Variants in BRCA2 observed in about 807,000 individuals in gnomAD.
The protein encoded by BRCA2 is breast cancer type 2 susceptibility protein.
In BRCA2, 203 loss-of-function variants were observed where a neutral mutation model predicts 276.7. That is an observed-to-expected ratio of 0.73 (90% confidence interval 0.65 to 0.82). BRCA2 has a LOEUF of 0.82. BRCA2 is among the 40% of genes least tolerant of loss of function. The pLI is 0.00. For synonymous variants in BRCA2, 1,289 were observed against 1,338.4 expected, an observed-to-expected ratio of 0.96 and a Z score of 0.81; for missense variants, 3,920 against 3,915.0, an observed-to-expected ratio of 1.00 and a Z score of -0.03.
intron 16 of BRCA2, among the ~76,000 whole-genome samples, chr13:32,358,347 G>A (rs1463302671): frequency 7.3e-5 from 11 of 151,390 alleles, no homozygotes; most frequent in Admixed American, 7.2e-4. Context: ...GTGGTGGCAG[G>A]CACCTGTAAT....
In BRCA2 at chr13:32,332,456, C is replaced by A. The variant is rs28897706; in HGVS notation, c.978C>A (p.Ser326Arg). Residue 326 changes from serine (S) to arginine (R), a missense_variant, in exon 10 of 27, where the codon AGC becomes AGA. By Grantham distance (110) the Ser-to-Arg change is moderately radical. This residue lies in a region of BRCA2 where 3,263 missense variants were observed against 3,156.9 expected (regional missense o/e 1.03). Coordinates refer to ENST00000380152, the MANE Select transcript of BRCA2 (RefSeq NM_000059.4). The stretch of plus-strand genomic sequence containing the variant: ...AAAATCTACAAAAAGTAAGAACTAG[C>A]AAGACTAGGAAAAAAATTTTCCATG... Reference protein sequence around the residue: ...RTKNLQKVRTSKTRKKIFHEA... With the variant: ...RTKNLQKVRTRKTRKKIFHEA... The A allele has an allele frequency of 9.8e-4, 1,553 of 1,592,578 alleles. 2 individuals carry two copies. The highest frequency in any genetic ancestry group is 1.1e-3 in the Non-Finnish European group (1,315 of 1,173,338).
In BRCA2 at chr13:32,329,423, C is replaced by T. The variant is rs746309570; in HGVS notation, c.632-20C>T. ...CATTCTAGTGATAATATACAATACA[C>T]ATAAATTTTTATCTTACAGTCAGAA... On this transcript the variant is annotated intron_variant, in intron 7 of 26. Transcript: ENST00000380152. 2.6e-6 allele frequency: 4 copies of T among 1,560,586 alleles called. No homozygotes were observed. Among genetic ancestry groups the T allele is most frequent in the South Asian group, 2.3e-5 (2 of 88,596 alleles).
At chr13:32,376,521 C>CAAA (rs200156944) in intron 20 of BRCA2, 149 bp from the exon 21 acceptor site, 115 of 714,952 alleles carry the variant, frequency 1.6e-4, no homozygotes, top group East Asian at 4.6e-4. Context: ...GACCCTGTCT[C>CAAA]AAAAAAAAAA....
At chr13:32,395,959 T>C in intron 25 of BRCA2, 1 of 230,462 alleles carries the variant, frequency 4.3e-6, no homozygotes, top group South Asian at 3.6e-5. Flanking sequence ...TTTCTTTCTT[T>C]CTTTTTTTTT....
chr13:32,374,896 A>C (rs1282399778), intron 20 of BRCA2, among the ~76,000 whole-genome samples: 2 of 152,222 alleles, frequency 1.3e-5, no homozygotes, highest in African/African-American at 2.4e-5. Flanking sequence ...GTTCATCCTC[A>C]TACTGCTATA....
chr13:32,340,327 C>G lies in BRCA2; in HGVS notation c.5972C>G (p.Ala1991Gly), dbSNP rs80358829. The part of the protein sequence containing the change: ...ASGKSVQVSD[A>G]SLQNARQVFS... ...GGAAAATCTGTCCAGGTATCAGATG[C>G]TTCATTACAAAACGCAAGACAAGTG... Residue 1991 changes from alanine (A) to glycine (G), a missense_variant, in exon 11 of 27, where the codon GCT (alanine) becomes GGT (glycine). Physicochemically the swap from Ala to Gly is moderately conservative, Grantham distance 60. This residue lies in a region of BRCA2 where 3,263 missense variants were observed against 3,156.9 expected (regional missense o/e 1.03). Coordinates refer to ENST00000380152, the MANE Select transcript of BRCA2 (RefSeq NM_000059.4). The G allele has an allele frequency of 6.2e-7, 1 of 1,614,002 alleles. No homozygotes were observed. Among genetic ancestry groups the G allele is most frequent in the Non-Finnish European group, 8.5e-7 (1 of 1,179,918 alleles).
At chr13:32,360,284 A>G (rs1057450191) in intron 16 of BRCA2, among the ~76,000 whole-genome samples, 19 of 152,232 alleles carry the variant, frequency 1.2e-4, no homozygotes, top group Non-Finnish European at 2.6e-4. Context: ...GGAAGACCTC[A>G]TAGACCTTCG....
chr13:32,319,813 T>C (rs1428086448), intron 3 of BRCA2, among the ~76,000 whole-genome samples: 1 of 152,206 alleles, frequency 6.6e-6, no homozygotes. Context: ...ACATAAGTAA[T>C]GAACTTTCCC....
Position 32,399,050 on chromosome 13 carries a change from C to A in BRCA2, c.*280C>A. ...GCTCGGTGGCTCATGCCTGTAATCCCAACACTTTGAGAAGCTGAGGTGGGA... is the reference window on the plus strand; with the variant it reads ...GCTCGGTGGCTCATGCCTGTAATCCAAACACTTTGAGAAGCTGAGGTGGGA... On this transcript the variant is annotated 3_prime_UTR_variant, in exon 27 of 27. Transcript: ENST00000380152. The A allele has an allele frequency of 2.6e-6, 1 of 378,160 alleles. No homozygotes were observed. The highest frequency in any genetic ancestry group is 4.8e-6 in the Non-Finnish European group (1 of 210,180). The allele number at this position is 378,160 out of a possible 1,614,324, so 23.4% of individuals were successfully genotyped here. A position where few individuals can be genotyped will look rare whatever the true frequency, so the allele number is the denominator to read the frequency against.
At chr13:32,331,944 A>T (rs1392104123) in intron 9 of BRCA2, among the ~76,000 whole-genome samples, 2 of 152,202 alleles carry the variant, frequency 1.3e-5, no homozygotes, top group Non-Finnish European at 2.9e-5. Context: ...CTGTTTTGAT[A>T]GGTCTTAGAA....
chr13:32,343,214 T>G (rs1387615725), intron 11 of BRCA2, among the ~76,000 whole-genome samples: 1 of 152,200 alleles, frequency 6.6e-6, no homozygotes, highest in Admixed American at 6.5e-5. Context: ...TTTTTGTGTG[T>G]GTTTTTTTCT....
At chr13:32,365,199 C>A (rs1205701674) in intron 18 of BRCA2, among the ~76,000 whole-genome samples, 2 of 131,890 alleles carry the variant, frequency 1.5e-5, no homozygotes, top group Non-Finnish European at 3.1e-5. Context: ...ATGAGGTCTC[C>A]CTGTGTTGCC....
chr13:32,343,918 A>G (rs1045382410), intron 11 of BRCA2, among the ~76,000 whole-genome samples: 1 of 152,088 alleles, frequency 6.6e-6, no homozygotes, highest in Non-Finnish European at 1.5e-5. Context: ...AAATTATACA[A>G]ATTTATTCCC....
At chr13:32,391,768 A>G (rs1157161556) in intron 24 of BRCA2, among the ~76,000 whole-genome samples, 1 of 152,184 alleles carries the variant, frequency 6.6e-6, no homozygotes, top group Non-Finnish European at 1.5e-5. Flanking sequence ...CTAGTGTAGG[A>G]TTCTAAAAGT....
intron 14 of BRCA2, among the ~76,000 whole-genome samples, chr13:32,355,994 C>T (rs993451546): frequency 1.3e-4 from 19 of 151,196 alleles, no homozygotes; most frequent in South Asian, 2.1e-4. Context: ...AAAAGGAGAG[C>T]ATGTAAACTT....
At chr13:32,380,198 C>T in intron 24 of BRCA2, 53 bp downstream of exon 24, 1 of 1,538,220 alleles carries the variant, frequency 6.5e-7, no homozygotes, top group Non-Finnish European at 8.8e-7. Flanking sequence ...AAAACATTGT[C>T]TTTTAAAATC....
rs1060502462 is a variant in BRCA2 at position 32,340,885 on chromosome 13, T to C, written c.6530T>C (p.Ile2177Thr). Reference protein sequence around the residue: ...LGTKVSLVENIHVLGKEQASP... With the variant: ...LGTKVSLVENTHVLGKEQASP... ...ACCAAAGTGTCACTTGTTGAGAACA[T>C]TCATGTTTTGGGAAAAGAACAGGCT... The change falls in exon 11 of 27, where the codon ATT becomes ACT. Residue 2177 changes from isoleucine (I) to threonine (T), a missense_variant. Transcript: ENST00000380152. 8.1e-6 allele frequency: 13 copies of C among 1,606,004 alleles called. No individual in the cohort carries two copies. The highest frequency in any genetic ancestry group is 1.0e-5 in the Non-Finnish European group (12 of 1,178,008).
In BRCA2 at chr13:32,354,916, G is replaced by A. The variant is rs200078639; in HGVS notation, c.7063G>A (p.Glu2355Lys). The A allele has an allele frequency of 2.5e-6, 4 of 1,613,872 alleles. No homozygotes were observed. The highest frequency in any genetic ancestry group is 2.2e-5 in the East Asian group (1 of 44,848). ...QNPNFTAPGQ[E>K]FLSKSHLYEH... ...TCCAAATTTTACCGCACCTGGTCAA[G>A]AATTTCTGTCTAAATCTCATTTGTA... The change falls in exon 14 of 27, where the codon GAA becomes AAA. Residue 2355 changes from glutamate (E) to lysine (K), a missense_variant. Glu to Lys is a moderately conservative substitution (Grantham distance 56, BLOSUM62 1). Transcript: ENST00000380152.
intron 12 of BRCA2, 44 bp downstream of exon 12, chr13:32,344,697 A>G (rs781729059): frequency 9.0e-6 from 12 of 1,334,740 alleles, no homozygotes; most frequent in Non-Finnish European, 1.1e-6. Context: ...CTCTATAGGT[A>G]TGGTATATAA....
Sources: allele counts gnomAD v4.1 joint callset (sites outside exome capture counted in the v4.1 genomes callset), GRCh38; gene constraint gnomAD v4.1.1; regional missense constraint gnomAD v4.1.1; transcripts MANE v1.5; gene names NCBI Gene and HGNC (gene_info 2026-07-23, HGNC 2026-07-21).